Variants in ZNF469 observed in about 807,000 individuals in gnomAD.
The protein encoded by ZNF469 is zinc finger protein 469.
Under a neutral mutation model 1.0 loss-of-function variants are expected in ZNF469, and 1 was observed. The observed-to-expected ratio is 1.00, with a 90% CI of 0.35 to 4.73. The LOEUF (loss-of-function observed/expected upper bound fraction) is 4.73, where lower values mean the gene tolerates loss of function less well. Ranked by LOEUF, ZNF469 falls within the 30% of genes most tolerant of loss-of-function variation. The pLI is 0.16. For synonymous variants in ZNF469, 2,703 were observed against 2,363.4 expected, an observed-to-expected ratio of 1.14 and a Z score of -4.17; for missense variants, 6,100 against 5,356.3, an observed-to-expected ratio of 1.14 and a Z score of -4.33.
At chr16:88,383,850 C>T (rs534408611) in intron 1 of ZNF469, among the ~76,000 whole-genome samples, 6 of 152,182 alleles carry the variant, frequency 3.9e-5, no homozygotes, top group Non-Finnish European at 7.4e-5. Flanking sequence ...CCGCCCAGCC[C>T]CGCGCACCCC....
the ZNF469 span, among the ~76,000 whole-genome samples, chr16:88,166,493 C>A: frequency 6.6e-6 from 1 of 152,172 alleles, no homozygotes; most frequent in African/African-American, 2.4e-5. This position sits in a 1 kb window ranked among gnomAD's most constrained non-coding sequence, Gnocchi z 4.5. Context: ...GAGCGCCCCT[C>A]GGCACCCTCC....
chr16:88,419,743 C>T (rs1905403028), intron 1 of ZNF469, among the ~76,000 whole-genome samples: 1 of 152,244 alleles, frequency 6.6e-6, no homozygotes, highest in African/African-American at 2.4e-5. Flanking sequence ...GAGAGACCCT[C>T]ACCCAAGGCC....
chr16:88,360,228 C>A, the ZNF469 span, among the ~76,000 whole-genome samples: 1 of 152,054 alleles, frequency 6.6e-6, no homozygotes, highest in Non-Finnish European at 1.5e-5. Context: ...CCACGTTGGC[C>A]AGGCTGGTCT....
chr16:88,410,481 C>T (rs1033558509), intron 1 of ZNF469, among the ~76,000 whole-genome samples: 6 of 140,350 alleles, frequency 4.3e-5, no homozygotes, highest in African/African-American at 1.6e-4. Context: ...TTCACGGTGA[C>T]GTCTATGATG....
At chr16:88,316,220 G>C in the ZNF469 span, among the ~76,000 whole-genome samples, 2 of 152,154 alleles carry the variant, frequency 1.3e-5, no homozygotes. Context: ...GTCAGAACCC[G>C]CAGGGCTGGG....
At chr16:88,209,633 CCT>C in the ZNF469 span, among the ~76,000 whole-genome samples, 2 of 152,136 alleles carry the variant, frequency 1.3e-5, no homozygotes, top group African/African-American at 4.8e-5. Flanking sequence ...TTTTATTTCC[CCT>C]TTCTTTTACC....
chr16:88,374,545 G>A, the ZNF469 span, among the ~76,000 whole-genome samples: 1 of 152,248 alleles, frequency 6.6e-6, no homozygotes, highest in Middle Eastern at 3.2e-3. Flanking sequence ...GGGCACTGGG[G>A]TGCCATGTGA....
the ZNF469 span, among the ~76,000 whole-genome samples, chr16:88,225,571 C>G: frequency 1.3e-5 from 2 of 150,738 alleles, no homozygotes; most frequent in Admixed American, 6.6e-5. Flanking sequence ...CGCCCATGCC[C>G]TCTGCCGCAG....
rs773376777 is a variant in ZNF469, at chr16:88,435,428, C to T, written c.7958C>T (p.Ala2653Val). The T allele has an allele frequency of 1.3e-6, 2 of 1,550,236 alleles. No homozygotes were observed. The highest frequency in any genetic ancestry group is 2.0e-5 in the Admixed American group (1 of 51,006). The change falls in exon 3 of 3, where the codon GCT becomes GTT. Residue 2653 changes from alanine (A) to valine (V), a missense_variant. Transcript: ENST00000565624. ...GAGGAGAGCATTCTTCCAGTCTCTGCTGATGTGATTTCAGATGGGCGCGGC... is the reference window on the plus strand; with the variant it reads ...GAGGAGAGCATTCTTCCAGTCTCTGTTGATGTGATTTCAGATGGGCGCGGC... Reference protein sequence around the residue: ...LREESILPVSADVISDGRGSR... With the variant: ...LREESILPVSVDVISDGRGSR...
At position 88,431,364 on chromosome 16, in the gene ZNF469, G is replaced by C. The variant is rs115790991; in HGVS notation, c.3894G>C (p.Val1298=). 4,720 of 1,549,862 alleles carry C rather than the reference G, an allele frequency of 3.0e-3. 92 individuals are homozygous for C. The African/African-American group carries it at 0.051, about 17-fold the overall frequency. The part of the protein sequence containing the change: ...APHGSSPTPG[V]GSLLGGPGGT... ...ACGGAAGCTCGCCAACGCCAGGTGT[G>C]GGCAGCCTGCTGGGTGGTCCTGGGG... is the stretch of plus-strand genomic sequence containing the variant. The change falls in exon 3 of 3, where the codon GTG becomes GTC. Residue 1298 remains valine (V), a synonymous_variant. Transcript: ENST00000565624.
intron 1 of ZNF469, among the ~76,000 whole-genome samples, chr16:88,407,021 C>T (rs893065353): frequency 3.9e-5 from 6 of 152,176 alleles, no homozygotes; most frequent in South Asian, 2.1e-4. Flanking sequence ...CAGGAGATCG[C>T]GCCTGTGATA....
chr16:88,102,453 G>A, the ZNF469 span, among the ~76,000 whole-genome samples: 1 of 152,266 alleles, frequency 6.6e-6, no homozygotes, highest in African/African-American at 2.4e-5. Flanking sequence ...AGTGAGCCGA[G>A]ATTGCACCAT....
chr16:88,431,141 A>G lies in ZNF469; in HGVS notation c.3671A>G (p.Glu1224Gly). The change falls in exon 3 of 3, where the codon GAG (glutamate) becomes GGG (glycine). Residue 1224 changes from glutamate to glycine, a missense_variant. By Grantham distance (98) the Glu-to-Gly change is moderately conservative. Transcript: ENST00000565624. ...CGCCCGTCGCTGGACTTTCCCCAGGAGGCCAAGGAGCCTGAAACTGCCGAA... is the reference window on the plus strand; with the variant it reads ...CGCCCGTCGCTGGACTTTCCCCAGGGGGCCAAGGAGCCTGAAACTGCCGAA... Reference protein sequence around the residue: ...ETRPSLDFPQEAKEPETAEES... With the variant: ...ETRPSLDFPQGAKEPETAEES... The G allele has an allele frequency of 6.5e-7, 1 of 1,550,144 alleles. No individual in the cohort carries two copies. Among genetic ancestry groups the G allele is most frequent in the Non-Finnish European group, 8.7e-7 (1 of 1,146,950 alleles).
At chr16:88,313,754 G>A in the ZNF469 span, among the ~76,000 whole-genome samples, 1 of 152,192 alleles carries the variant, frequency 6.6e-6, no homozygotes, top group African/African-American at 2.4e-5. Context: ...TTCAGGCAGT[G>A]CTGCTGTGGA....
At chr16:88,213,576 G>A in the ZNF469 span, among the ~76,000 whole-genome samples, 4 of 152,210 alleles carry the variant, frequency 2.6e-5, no homozygotes, top group African/African-American at 9.7e-5. Flanking sequence ...TCATCCACAT[G>A]TTTGTGTCTT....
At chr16:88,206,639 C>G in the ZNF469 span, among the ~76,000 whole-genome samples, 1 of 151,764 alleles carries the variant, frequency 6.6e-6, no homozygotes, top group African/African-American at 2.4e-5. Flanking sequence ...TGGTTTGTCA[C>G]GACTCGACTC....
At chr16:88,235,570 G>A in the ZNF469 span, among the ~76,000 whole-genome samples, 3 of 149,902 alleles carry the variant, frequency 2.0e-5, no homozygotes, top group African/African-American at 7.4e-5. Context: ...GTAGCGGGAC[G>A]GGAACCAGAA....
At chr16:88,273,254 A>G in the ZNF469 span, among the ~76,000 whole-genome samples, 14 of 136,768 alleles carry the variant, frequency 1.0e-4, no homozygotes, top group African/African-American at 3.8e-4. Context: ...GTTATGCTAG[A>G]AAAGAATGAC....
the ZNF469 span, among the ~76,000 whole-genome samples, chr16:88,333,880 T>TGTGTGTC: frequency 8.7e-6 from 1 of 115,008 alleles, no homozygotes; most frequent in Non-Finnish European, 2.1e-5. Flanking sequence ...GTGTGTGTGT[T>TGTGTGTC]TGTGTGTCTG....
Sources: allele counts gnomAD v4.1 joint callset (sites outside exome capture counted in the v4.1 genomes callset), GRCh38; gene constraint gnomAD v4.1.1; non-coding constraint Gnocchi (gnomAD v3.1); transcripts MANE v1.5; gene names NCBI Gene and HGNC (gene_info 2026-07-23, HGNC 2026-07-21).